FUNDC2: variants seen among roughly 807,000 people sequenced by gnomAD.
FUNDC2 encodes the protein FUN14 domain containing 2, also known as FUN14 domain-containing protein 2.
FUNDC2 carries 4 observed loss-of-function variants against 15.6 expected under a neutral mutation model. The ratio of observed to expected loss-of-function variants is 0.26; its 90% CI spans 0.13 to 0.59. The LOEUF is 0.59. FUNDC2 is among the 20% of genes least tolerant of loss of function. The pLI is 0.90. For missense variants in FUNDC2, 98 were observed against 149.7 expected, an observed-to-expected ratio of 0.65 and a Z score of 1.80; for synonymous variants, 44 against 56.9, an observed-to-expected ratio of 0.77 and a Z score of 1.02.
intron 3 of FUNDC2, among the ~76,000 whole-genome samples, chrX:155,046,871 C>T (rs1359140917): frequency 8.9e-6 from 1 of 112,257 alleles, no homozygotes; most frequent in Non-Finnish European, 1.9e-5. Flanking sequence ...AATTATTAAG[C>T]GGATGTGATT....
At position 155,054,898 on chromosome X, in the gene FUNDC2, C is replaced by T; in HGVS notation, c.*226C>T. 1 of 391,825 alleles carries T rather than the reference C, an allele frequency of 2.6e-6. No individual in the cohort carries two copies. 32.3% of individuals were successfully genotyped at this position (391,825 alleles called of 1,213,427 possible). A position where few individuals can be genotyped will look rare whatever the true frequency, so the allele number is the denominator to read the frequency against. ...CTTAGCTCTCCTCCCAGTACACCCC[C>T]TACTTGGCCAGTCTGTAGGCCAACA... On this transcript the variant is annotated 3_prime_UTR_variant, in exon 5 of 5. Transcript: ENST00000369498.
At chrX:155,030,014 T>G (rs1469016189) in intron 1 of FUNDC2, among the ~76,000 whole-genome samples, 1 of 111,056 alleles carries the variant, frequency 9.0e-6, no homozygotes, top group Non-Finnish European at 1.9e-5. Context: ...CAATTAAAAT[T>G]ATTTTGTTTT....
chrX:155,026,882 G>A lies in FUNDC2; in HGVS notation c.-57G>A. The A allele has an allele frequency of 8.6e-7, 1 of 1,159,942 alleles. No homozygotes were observed. The highest frequency in any genetic ancestry group is 3.3e-5 in the East Asian group (1 of 30,659). On this transcript the variant is annotated 5_prime_UTR_variant, in exon 1 of 5. Coordinates refer to ENST00000369498, the MANE Select transcript of FUNDC2 (RefSeq NM_023934.4). ...GAGCTCTGTGATGTAGCCGCTTGCG[G>A]AGACTGCAAGCAGCCGCGGCGCGCC...
chrX:155,045,144 A>G (rs1557289922), intron 2 of FUNDC2, among the ~76,000 whole-genome samples: 1 of 112,190 alleles, frequency 8.9e-6, no homozygotes, highest in Non-Finnish European at 1.9e-5. Context: ...GGAAAAAGTC[A>G]TATATACAGT....
At chrX:155,037,540 G>A (rs1557289253) in intron 2 of FUNDC2, among the ~76,000 whole-genome samples, 1 of 111,337 alleles carries the variant, frequency 9.0e-6, no homozygotes, top group Non-Finnish European at 1.9e-5. Flanking sequence ...CTAGAGTGCA[G>A]TGGTGTGATC....
chrX:155,032,618 A>G (rs782357900), intron 1 of FUNDC2, among the ~76,000 whole-genome samples: 7 of 110,552 alleles, frequency 6.3e-5, no homozygotes, highest in Non-Finnish European at 1.1e-4. Context: ...AGTAGTACCT[A>G]CCTTATTCTG....
At chrX:155,032,514 G>T in intron 1 of FUNDC2, among the ~76,000 whole-genome samples, 1 of 109,097 alleles carries the variant, frequency 9.2e-6, no homozygotes, top group Middle Eastern at 4.8e-3. Context: ...GACCTCAGGT[G>T]ATCCACCTGC....
intron 2 of FUNDC2, among the ~76,000 whole-genome samples, chrX:155,037,153 AT>A (rs2073833288): frequency 8.9e-6 from 1 of 111,753 alleles, no homozygotes; most frequent in African/African-American, 3.3e-5. Context: ...AGTATTTCAT[AT>A]TTTTGATACC....
At position 155,059,347 on chromosome X, in the gene FUNDC2, A is replaced by G. The variant is rs1423663684; in HGVS notation, c.*4675A>G. 4 of 111,930 alleles carry G rather than the reference A, an allele frequency of 3.6e-5. No homozygotes were observed. Among genetic ancestry groups the G allele is most frequent in the African/African-American group, 1.3e-4 (4 of 30,765 alleles). The allele number at this position is 111,930 out of a possible 1,213,427, so 9.2% of individuals were successfully genotyped here. A position where few individuals can be genotyped will look rare whatever the true frequency, so the allele number is the denominator to read the frequency against. ...ATATCACCCCACAAATGACTTACCC[A>G]TTACGAAGGGAAAACTACCTTTCTA... is the stretch of plus-strand genomic sequence containing the variant. On this transcript the variant is annotated 3_prime_UTR_variant, in exon 5 of 5. Transcript: ENST00000369498.
intron 3 of FUNDC2, chrX:155,047,196 T>C (rs1476665831): frequency 3.7e-6 from 1 of 273,784 alleles, no homozygotes; most frequent in Admixed American, 4.5e-5. Context: ...TGGCTCCACA[T>C]TGGAATCACC....
At position 155,057,059 on chromosome X, in the gene FUNDC2, CTGTGA is replaced by C; in HGVS notation, c.*2388_*2392del. ...CCTCATCCTGCTAGTATGAGAACGG[CTGTGA>C]GTTCTGCCCACGGTGTGAGGCCACT... On this transcript the variant is annotated 3_prime_UTR_variant, in exon 5 of 5. Transcript: ENST00000369498. The C allele has an allele frequency of 1.0e-5, 1 of 98,359 alleles. No homozygotes were observed. The allele number at this position is 98,359 out of a possible 1,213,427, so 8.1% of individuals were successfully genotyped here.
rs59625612 is a variant in FUNDC2, at chrX:155,029,753, CAAA to C, written c.133+2697_133+2699del. ...GGGCAAAAAGAGCAAAACTCTATCTCAAAAAAAAAAAAAAAAAGAAAAAAGAAA... is the reference window on the plus strand; with the variant it reads ...GGGCAAAAAGAGCAAAACTCTATCTCAAAAAAAAAAAAAAGAAAAAAGAAA... On this transcript the variant is annotated intron_variant, in intron 1 of 4. Coordinates refer to ENST00000369498, the MANE Select transcript of FUNDC2 (RefSeq NM_023934.4). Among the ~76,000 whole-genome samples, 135 of 66,329 alleles carry C rather than the reference CAAA, an allele frequency of 2.0e-3. No individual in the cohort carries two copies. The Middle Eastern group carries it at 0.042, about 21-fold the overall frequency. 57.6% of individuals were successfully genotyped at this position (66,329 alleles called of 115,157 possible).
chrX:155,040,673 A>G (rs1452795807), intron 2 of FUNDC2, among the ~76,000 whole-genome samples: 1 of 111,440 alleles, frequency 9.0e-6, no homozygotes, highest in Non-Finnish European at 1.9e-5. Context: ...TTCAATACCT[A>G]TTTTTAGGTC....
At chrX:155,032,459 A>G (rs2073818900) in intron 1 of FUNDC2, among the ~76,000 whole-genome samples, 1 of 108,284 alleles carries the variant, frequency 9.2e-6, no homozygotes, top group Admixed American at 9.9e-5. Context: ...TATTTTTAGT[A>G]GAGATGGGGT....
intron 4 of FUNDC2, chrX:155,053,781 C>T (rs2073885599): frequency 2.7e-6 from 2 of 743,113 alleles, no homozygotes; most frequent in Non-Finnish European, 3.2e-6. Flanking sequence ...AATGATCAGG[C>T]CAGGATGTTG....
At chrX:155,029,373 T>C (rs1304043246) in intron 1 of FUNDC2, among the ~76,000 whole-genome samples, 1 of 112,252 alleles carries the variant, frequency 8.9e-6, no homozygotes, top group African/African-American at 3.2e-5. Flanking sequence ...TTGGAGTAAT[T>C]TGTAGTACAG....
chrX:155,058,837 A>G lies in FUNDC2; in HGVS notation c.*4165A>G, dbSNP rs1417067965. The G allele has an allele frequency of 9.0e-6, 1 of 111,106 alleles. No homozygotes were observed. Among genetic ancestry groups the G allele is most frequent in the Non-Finnish European group, 1.9e-5 (1 of 53,016 alleles). The allele number at this position is 111,106 out of a possible 1,213,427, so 9.2% of individuals were successfully genotyped here. ...ATCTTAATACTTTTTTTTTTAAAAGAAAAGTGTCGCACTTTTTCACATTTT... is the reference window on the plus strand; with the variant it reads ...ATCTTAATACTTTTTTTTTTAAAAGGAAAGTGTCGCACTTTTTCACATTTT... On this transcript the variant is annotated 3_prime_UTR_variant, in exon 5 of 5. Transcript: ENST00000369498.
chrX:155,031,241 T>C (rs1223814641), intron 1 of FUNDC2, among the ~76,000 whole-genome samples: 2 of 112,026 alleles, frequency 1.8e-5, no homozygotes, highest in East Asian at 5.6e-4. Flanking sequence ...ATTACATATA[T>C]GTTTAATCTT....
At chrX:155,047,238 C>T (rs782396346) in intron 3 of FUNDC2, 1 of 323,299 alleles carries the variant, frequency 3.1e-6, no homozygotes, top group African/African-American at 2.7e-5. Flanking sequence ...ACGTGTGCCA[C>T]TCCTGACCCA....
Sources: allele counts gnomAD v4.1 joint callset (sites outside exome capture counted in the v4.1 genomes callset), GRCh38; gene constraint gnomAD v4.1.1; transcripts MANE v1.5; gene names NCBI Gene and HGNC (gene_info 2026-07-23, HGNC 2026-07-21).